Variants in SEC23B observed in about 807,000 individuals in gnomAD.
The protein encoded by SEC23B is SEC23 homolog B, COPII component, also known as protein transport protein Sec23B.
A neutral mutation model predicts 104.3 loss-of-function variants in SEC23B; 77 were observed. The ratio of observed to expected loss-of-function variants is 0.74; its 90% CI spans 0.61 to 0.89. SEC23B has a LOEUF of 0.89. Ranked by LOEUF, SEC23B falls within the 40% of genes least tolerant of loss-of-function variation. The pLI is 0.00. For synonymous variants in SEC23B, 338 were observed against 332.5 expected (o/e 1.02, Z -0.18); for missense variants, 885 against 949.4 (o/e 0.93, Z 0.89).
intron 13 of SEC23B, 87 bp from the exon 14 acceptor site, chr20:18,542,932 C>T: frequency 6.5e-7 from 1 of 1,547,174 alleles, no homozygotes; most frequent in Non-Finnish European, 8.9e-7. Context: ...AGCCACTGCA[C>T]CTAGCCTGTG....
rs6081189 is a variant in SEC23B at position 18,530,812 on chromosome 20, A to G, written c.1233+9A>G. The G allele has an allele frequency of 0.98, 1,577,037 of 1,604,196 alleles. 777,450 individuals carry two copies. The highest frequency in any genetic ancestry group is 1 in the East Asian group (44,723 of 44,726). ...CTACTTTGGACGTAAAGGTACGGTAAACTTTTTTTTTTTTTTATGTGGACT... is the reference window on the plus strand; with the variant it reads ...CTACTTTGGACGTAAAGGTACGGTAGACTTTTTTTTTTTTTTATGTGGACT... On this transcript the variant is annotated intron_variant, in intron 10 of 19. Coordinates refer to ENST00000650089, the MANE Select transcript of SEC23B (RefSeq NM_006363.6).
In SEC23B at chr20:18,535,713, C is replaced by G; in HGVS notation, c.1375C>G (p.Leu459Val). ...CTGTGGCCTAGATCCTACATCTACACTTGGCATCTATTTTGAAGTTGTCAA... is the reference window on the plus strand; with the variant it reads ...CTGTGGCCTAGATCCTACATCTACAGTTGGCATCTATTTTGAAGTTGTCAA... The part of the protein sequence containing the change: ...KICGLDPTST[L>V]GIYFEVVNQH... Residue 459 changes from leucine (L) to valine (V), a missense_variant, in exon 12 of 20, where the codon CTT (leucine) becomes GTT (valine). By Grantham distance (32) the Leu-to-Val change is conservative. Transcript: ENST00000650089. 1 of 1,614,048 alleles carries G rather than the reference C, an allele frequency of 6.2e-7. No individual in the cohort carries two copies. Among genetic ancestry groups the G allele is most frequent in the South Asian group, 1.1e-5 (1 of 91,084 alleles).
intron 4 of SEC23B, among the ~76,000 whole-genome samples, chr20:18,518,591 T>TTTTTTTTTTTTTTTTTTTTTTG (rs2060054425): frequency 7.3e-6 from 1 of 136,426 alleles, no homozygotes; most frequent in Admixed American, 7.5e-5. Flanking sequence ...GGTTTTTTTT[T>TTTTTTTTTTTTTTTTTTTTTTG]TTTTTTTTTT....
chr20:18,532,622 T>G (rs2060196959), intron 10 of SEC23B, 42 bp from the exon 11 acceptor site: 1 of 1,369,384 alleles, frequency 7.3e-7, no homozygotes, highest in Admixed American at 1.7e-5. Flanking sequence ...CAGGGTGGAT[T>G]GAAGTGATCT....
intron 9 of SEC23B, among the ~76,000 whole-genome samples, chr20:18,528,614 A>C (rs184550287): frequency 8.6e-4 from 131 of 152,320 alleles, no homozygotes; most frequent in African/African-American, 3.1e-3. Context: ...AAGGAATAAA[A>C]GGTAGAACCA....
In SEC23B at chr20:18,535,737, A is replaced by G. The variant is rs775102576; in HGVS notation, c.1399A>G (p.Asn467Asp). 21 of 1,612,354 alleles carry G rather than the reference A, an allele frequency of 1.3e-5. No individual in the cohort carries two copies. The highest frequency in any genetic ancestry group is 1.8e-5 in the Non-Finnish European group (21 of 1,178,486). ...ACTTGGCATCTATTTTGAAGTTGTC[A>G]ATCAGGTGAGTTGGATTTCTTCACA... The part of the protein sequence containing the change: ...STLGIYFEVV[N>D]QHNTPIPQGG... Residue 467 changes from asparagine (N) to aspartate (D), a missense_variant, in exon 12 of 20, where the codon AAT becomes GAT. Coordinates refer to ENST00000650089, the MANE Select transcript of SEC23B (RefSeq NM_006363.6).
intron 1 of SEC23B, 57 bp downstream of exon 1, chr20:18,508,029 GGGTATGAGTTTCTGCCGGGGGCGA>G (rs1404429010): frequency 1.3e-5 from 2 of 152,680 alleles, no homozygotes; most frequent in Non-Finnish European, 2.9e-5. Context: ...CCGAGGGCAC[GGGTATGAGTTTCTGCCGGGGGCGA>G]GGTGAGCGGC....
chr20:18,549,997 T>A (rs1174075282), intron 16 of SEC23B, among the ~76,000 whole-genome samples: 1 of 146,228 alleles, frequency 6.8e-6, no homozygotes, highest in Non-Finnish European at 1.5e-5. Context: ...AAAAAAGAAA[T>A]AATTACATAT....
chr20:18,560,381 G>A (rs1417666281), intron 19 of SEC23B, among the ~76,000 whole-genome samples: 1 of 152,116 alleles, frequency 6.6e-6, no homozygotes, highest in Non-Finnish European at 1.5e-5. Context: ...ACTTCATCAG[G>A]ACTATGGAGA....
chr20:18,529,767 G>T lies in SEC23B; in HGVS notation c.1110-913G>T, dbSNP rs1485512428. Among the ~76,000 whole-genome samples the T allele has an allele frequency of 2.0e-5, 3 of 152,228 alleles. No homozygotes were observed. In the East Asian group the frequency reaches 5.8e-4, roughly 29 times the overall value. On this transcript the variant is annotated intron_variant, in intron 9 of 19. Transcript: ENST00000650089. ...GCAAGGCAGGCTGGAAAATGTCATT[G>T]TTCCAGGAAACTAAGGAAGAGGTAG...
chr20:18,543,426 G>C (rs1028823817), intron 14 of SEC23B, among the ~76,000 whole-genome samples: 3 of 152,140 alleles, frequency 2.0e-5, no homozygotes, highest in African/African-American at 7.2e-5. Flanking sequence ...GGGTTGAGTT[G>C]ACTTAGATGA....
At position 18,548,717 on chromosome 20, in the gene SEC23B, C is replaced by G; in HGVS notation, c.1852C>G (p.Leu618Val). The change falls in exon 16 of 20, where the codon CTC (leucine) becomes GTC (valine). Residue 618 changes from leucine to valine, a missense_variant. Leu to Val is a conservative substitution (Grantham distance 32, BLOSUM62 1). Coordinates refer to ENST00000650089, the MANE Select transcript of SEC23B (RefSeq NM_006363.6). ...HFARQDLTQS[L>V]IMIQPILYSY... The stretch of plus-strand genomic sequence containing the variant: ...TGCCCGGCAGGACCTGACCCAGTCC[C>G]TCATCATGATCCAGCCCATTCTCTA... 1 of 1,614,190 alleles carries G rather than the reference C, an allele frequency of 6.2e-7. No homozygotes were observed. The highest frequency in any genetic ancestry group is 8.5e-7 in the Non-Finnish European group (1 of 1,180,030).
In SEC23B at chr20:18,521,387, A is replaced by G. The variant is rs1431003786; in HGVS notation, c.367-3046A>G. On this transcript the variant is annotated intron_variant, in intron 4 of 19. Coordinates refer to ENST00000650089, the MANE Select transcript of SEC23B (RefSeq NM_006363.6). ...CTTCCTCTGGGGTCTAGGACAGTAA[A>G]GCGTCTAAGGGTTTTTGCCAAACGG... Among the ~76,000 whole-genome samples, 3 of 152,234 alleles carry G rather than the reference A, an allele frequency of 2.0e-5. No homozygotes were observed. The East Asian group carries it at 5.8e-4, about 29-fold the overall frequency.
chr20:18,554,960 AGTAAAACAATTCTAAT>A lies in SEC23B; in HGVS notation c.2149-147_2149-132del. 16 of 76,784 alleles carry A rather than the reference AGTAAAACAATTCTAAT, an allele frequency of 2.1e-4. 3 individuals carry two copies. Among genetic ancestry groups the A allele is most frequent in the Non-Finnish European group, 4.2e-4 (11 of 26,504 alleles). The allele number at this position is 76,784 out of a possible 1,614,324, so 4.8% of individuals were successfully genotyped here. A position where few individuals can be genotyped will look rare whatever the true frequency, so the allele number is the denominator to read the frequency against. On this transcript the variant is annotated intron_variant, in intron 18 of 19. Coordinates refer to ENST00000650089, the MANE Select transcript of SEC23B (RefSeq NM_006363.6). The stretch of plus-strand genomic sequence containing the variant: ...AAGCTAAAGAAATAGATTACTGTGC[AGTAAAACAATTCTAAT>A]TAGATTACTGTGCAGTAAAACAATT...
At chr20:18,522,315 G>A (rs758319821) in intron 4 of SEC23B, among the ~76,000 whole-genome samples, 18 of 152,162 alleles carry the variant, frequency 1.2e-4, no homozygotes, top group Admixed American at 3.3e-4. Flanking sequence ...TCAGGCAGGC[G>A]TCCCCACAAT....
chr20:18,512,908 G>A (rs959380313), intron 3 of SEC23B, among the ~76,000 whole-genome samples: 2 of 152,058 alleles, frequency 1.3e-5, no homozygotes, highest in South Asian at 2.1e-4. Flanking sequence ...AAATTAGGCC[G>A]GGCGCGGTGA....
chr20:18,530,827 T>TATG, intron 10 of SEC23B, 24 bp downstream of exon 10: 2 of 1,573,810 alleles, frequency 1.3e-6, no homozygotes, highest in Non-Finnish European at 1.7e-6. Flanking sequence ...TTTTTTTTTT[T>TATG]TATGTGGACT....
chr20:18,532,848 G>C (rs1417850634), intron 11 of SEC23B, 104 bp downstream of exon 11: 1 of 824,746 alleles, frequency 1.2e-6, no homozygotes, highest in African/African-American at 1.7e-5. Context: ...GGATGTGTCT[G>C]CAGTGACAGG....
At position 18,515,695 on chromosome 20, in the gene SEC23B, G is replaced by A. The variant is rs121918221; in HGVS notation, c.325G>A (p.Glu109Lys). Residue 109 changes from glutamate to lysine, a missense_variant, in exon 4 of 20, where the codon GAA (glutamate) becomes AAA (lysine). Coordinates refer to ENST00000650089, the MANE Select transcript of SEC23B (RefSeq NM_006363.6). ...CATATCTGAGGTGAATCAACCTGCC[G>A]AATTGATGCCCCAGTTTTCTACAAT... ...GGISEVNQPAELMPQFSTIEY... is the reference protein window; with the variant it reads ...GGISEVNQPAKLMPQFSTIEY... The A allele has an allele frequency of 2.7e-4, 428 of 1,612,170 alleles. No individual in the cohort carries two copies. The highest frequency in any genetic ancestry group is 3.4e-4 in the Non-Finnish European group (397 of 1,178,220).
Sources: allele counts gnomAD v4.1 joint callset (sites outside exome capture counted in the v4.1 genomes callset), GRCh38; gene constraint gnomAD v4.1.1; transcripts MANE v1.5; gene names NCBI Gene and HGNC (gene_info 2026-07-23, HGNC 2026-07-21).